NCBP3: variants seen among roughly 807,000 people sequenced by gnomAD.
NCBP3 encodes the protein nuclear cap-binding protein subunit 3.
A neutral mutation model predicts 75.7 loss-of-function variants in NCBP3; 20 were observed. The observed-to-expected ratio is 0.26, with a 90% CI of 0.19 to 0.38. NCBP3 has a LOEUF of 0.38. NCBP3 is among the 10% of genes least tolerant of loss of function. NCBP3 has a pLI of 1.00. For synonymous variants in NCBP3, 293 were observed against 290.5 expected, an observed-to-expected ratio of 1.01 and a Z score of -0.09; for missense variants, 678 against 796.9, an observed-to-expected ratio of 0.85 and a Z score of 1.80.
chr17:3,828,772 C>CTGTCTATTCAGAATGACACTCTGTCCAG (rs1567589884), intron 4 of NCBP3, among the ~76,000 whole-genome samples: 6 of 152,122 alleles, frequency 3.9e-5, no homozygotes, highest in Admixed American at 3.3e-4. Context: ...CTAGGTCATT[C>CTGTCTATTCAGAATGACACTCTGTCCAG]TGTCTATTCA....
chr17:3,827,982 T>C (rs773446954), intron 4 of NCBP3, among the ~76,000 whole-genome samples: 11 of 152,204 alleles, frequency 7.2e-5, no homozygotes, highest in Non-Finnish European at 1.3e-4. Context: ...GTAGTGGCAC[T>C]ATCTTGGCTC....
rs536780528 is a variant in NCBP3, at chr17:3,837,147, CA to C, written c.355+2952del. ...TGGGTGACAGAGCAAGACTCCTTCT[CA>C]AAAAAAAAATAAAAAATAAAAATAA... is the stretch of plus-strand genomic sequence containing the variant. On this transcript the variant is annotated intron_variant, in intron 3 of 12. Transcript: ENST00000389005. Among the ~76,000 whole-genome samples the C allele has an allele frequency of 2.7e-3, 361 of 134,114 alleles. 3 individuals carry two copies. Among genetic ancestry groups the C allele is most frequent in the African/African-American group, 9.6e-3 (341 of 35,598 alleles). The allele number at this position is 134,114 out of a possible 152,430, so 88.0% of individuals were successfully genotyped here.
chr17:3,842,549 T>A (rs906944045), intron 2 of NCBP3, among the ~76,000 whole-genome samples: 1 of 152,228 alleles, frequency 6.6e-6, no homozygotes, highest in Admixed American at 6.5e-5. Flanking sequence ...TTGGACATTT[T>A]CTTGGAAACG....
At chr17:3,832,442 A>AT (rs2053897165) in intron 3 of NCBP3, among the ~76,000 whole-genome samples, 1 of 118,046 alleles carries the variant, frequency 8.5e-6, no homozygotes, top group Non-Finnish European at 2.0e-5. Context: ...CATCCTGGCC[A>AT]ACACGGTGAA....
intron 3 of NCBP3, among the ~76,000 whole-genome samples, chr17:3,832,165 C>A (rs2053889211): frequency 2.3e-5 from 2 of 86,810 alleles, no homozygotes; most frequent in Admixed American, 1.5e-4. Flanking sequence ...GACTGGGCGA[C>A]AGGGCAAGAC....
rs1212729988 is a variant in NCBP3, at chr17:3,807,176, C to T, written c.*5868G>A. On this transcript the variant is annotated 3_prime_UTR_variant, in exon 13 of 13. Transcript: ENST00000389005. ...CTCTGGACTGCTCTCACTTTCCTCA[C>T]CGACAGGACCACAGGCTTAAGAACT... The T allele has an allele frequency of 6.6e-6, 1 of 152,270 alleles. No individual in the cohort carries two copies. The highest frequency in any genetic ancestry group is 1.5e-5 in the Non-Finnish European group (1 of 68,054). The allele number at this position is 152,270 out of a possible 1,614,324, so 9.4% of individuals were successfully genotyped here. A position where few individuals can be genotyped will look rare whatever the true frequency, so the allele number is the denominator to read the frequency against.
At chr17:3,837,917 C>T (rs193178795) in intron 3 of NCBP3, among the ~76,000 whole-genome samples, 23 of 152,090 alleles carry the variant, frequency 1.5e-4, no homozygotes, top group African/African-American at 4.8e-4. Flanking sequence ...AGCTGACATC[C>T]CACGGCCGAC....
chr17:3,828,645 T>A (rs1257793936), intron 4 of NCBP3, among the ~76,000 whole-genome samples: 1 of 151,914 alleles, frequency 6.6e-6, no homozygotes, highest in Non-Finnish European at 1.5e-5. Flanking sequence ...GCAGGCAAGT[T>A]AAAAATTACA....
At position 3,809,309 on chromosome 17, in the gene NCBP3, T is replaced by C. The variant is rs2053371840; in HGVS notation, c.*3735A>G. ...TTCCTGAAAAGGTTAAAGATAATTATGACTCAGCAATTCCACTCCTAGGTA... is the reference window on the plus strand; with the variant it reads ...TTCCTGAAAAGGTTAAAGATAATTACGACTCAGCAATTCCACTCCTAGGTA... On this transcript the variant is annotated 3_prime_UTR_variant, in exon 13 of 13. Transcript: ENST00000389005. 6.6e-6 allele frequency: 1 copy of C among 152,138 alleles called. No homozygotes were observed. The allele number at this position is 152,138 out of a possible 1,614,324, so 9.4% of individuals were successfully genotyped here.
chr17:3,816,190 G>A lies in NCBP3; in HGVS notation c.1391C>T (p.Ala464Val). Residue 464 changes from alanine to valine, a missense_variant, in exon 11 of 13, where the codon GCA (alanine) becomes GTA (valine). Ala to Val is a moderately conservative substitution (Grantham distance 64). Coordinates refer to ENST00000389005, the MANE Select transcript of NCBP3 (RefSeq NM_001114118.3). ...CTCATCTAATAGATGTCGGACATCT[G>A]CAAATTTCTCAGGTGGTAATTTGTT... ...IGNKLPPEKF[A>V]DVRHLLDEKR... 3 of 1,614,002 alleles carry A rather than the reference G, an allele frequency of 1.9e-6. No homozygotes were observed. The highest frequency in any genetic ancestry group is 2.5e-6 in the Non-Finnish European group (3 of 1,179,896).
rs2053927461 is a variant in NCBP3 at position 3,833,743 on chromosome 17, ATGT to A, written c.356-4378_356-4376del. Among the ~76,000 whole-genome samples the A allele has an allele frequency of 2.6e-5, 4 of 152,052 alleles. No individual in the cohort carries two copies. In the South Asian group the frequency reaches 8.3e-4, roughly 32 times the overall value. On this transcript the variant is annotated intron_variant, in intron 3 of 12. Transcript: ENST00000389005. ...CTTCACCTGTATGTAGGTTTTTTTA[ATGT>A]TGTAATGTTAGAACAATGTTATGAT... is the stretch of plus-strand genomic sequence containing the variant.
intron 7 of NCBP3, chr17:3,822,966 A>T (rs917084545): frequency 6.6e-6 from 1 of 152,236 alleles, no homozygotes; most frequent in Admixed American, 6.5e-5. Context: ...GGAGTATGTC[A>T]AAACAGCTTG....
chr17:3,846,215 G>C lies in NCBP3; in HGVS notation c.9C>G (p.Ala3=), dbSNP rs752261611. The change falls in exon 1 of 13, where the codon GCC becomes GCG. Residue 3 remains alanine, a synonymous_variant. Transcript: ENST00000389005. This position sits in a 1 kb window ranked among gnomAD's most constrained non-coding sequence, Gnocchi z 4.6. ...TCACCGACACCCGCAGGCCCCGTAC[G>C]GCCGCCATCGCTGCCTGCCGGCCGC... MA[A]VRGLRVSVKA... 4.2e-6 allele frequency: 6 copies of C among 1,440,034 alleles called. No homozygotes were observed. Among genetic ancestry groups the C allele is most frequent in the Non-Finnish European group, 5.4e-6 (6 of 1,102,468 alleles). The allele number at this position is 1,440,034 out of a possible 1,614,324, so 89.2% of individuals were successfully genotyped here.
intron 5 of NCBP3, 97 bp from the exon 6 acceptor site, chr17:3,825,940 A>G (rs2053775685): frequency 7.2e-7 from 1 of 1,395,864 alleles, no homozygotes; most frequent in South Asian, 1.3e-5. Flanking sequence ...AAAGTCCAGT[A>G]TTTTCTCCTA....
At chr17:3,817,853 G>C (rs1422135184) in intron 10 of NCBP3, among the ~76,000 whole-genome samples, 4 of 151,762 alleles carry the variant, frequency 2.6e-5, no homozygotes, top group Non-Finnish European at 2.9e-5. Context: ...AAAAAATAAT[G>C]TCTACAATAT....
In NCBP3 at chr17:3,806,613, T is replaced by C. The variant is rs925243870; in HGVS notation, c.*6431A>G. ...AAGTTTTATGGATAGTGCAGCCAAA[T>C]TCCACTCGGATGCCTCACAACTACT... On this transcript the variant is annotated 3_prime_UTR_variant, in exon 13 of 13. Coordinates refer to ENST00000389005, the MANE Select transcript of NCBP3 (RefSeq NM_001114118.3). The C allele has an allele frequency of 7.2e-5, 11 of 151,808 alleles. No individual in the cohort carries two copies. Among genetic ancestry groups the C allele is most frequent in the African/African-American group, 2.7e-4 (11 of 41,268 alleles). 9.4% of individuals were successfully genotyped at this position (151,808 alleles called of 1,614,324 possible).
At chr17:3,825,620 T>C (rs1383592489) in intron 6 of NCBP3, 147 bp downstream of exon 6, 2 of 607,776 alleles carry the variant, frequency 3.3e-6, no homozygotes, top group African/African-American at 3.7e-5. Flanking sequence ...CCACACTAAC[T>C]TAAAGGACAA....
intron 7 of NCBP3, chr17:3,823,651 G>A (rs993424567): frequency 6.6e-6 from 1 of 152,056 alleles, no homozygotes; most frequent in African/African-American, 2.4e-5. Flanking sequence ...TCGAACTCCT[G>A]GGCTCAAGTG....
In NCBP3 at chr17:3,808,417, T is replaced by TG; in HGVS notation, c.*4626dup. 6.6e-6 allele frequency: 1 copy of TG among 152,344 alleles called. No homozygotes were observed. Among genetic ancestry groups the TG allele is most frequent in the East Asian group, 1.9e-4 (1 of 5,190 alleles). The allele number at this position is 152,344 out of a possible 1,614,324, so 9.4% of individuals were successfully genotyped here. ...CCTGGAGAGAGCTGAGACTCTTCTGTGGCAGTACCATGGGACACATAGAAG... is the reference window on the plus strand; with the variant it reads ...CCTGGAGAGAGCTGAGACTCTTCTGTGGGCAGTACCATGGGACACATAGAAG... On this transcript the variant is annotated 3_prime_UTR_variant, in exon 13 of 13. Transcript: ENST00000389005.
Sources: gnomAD v4.1 joint callset for allele counts (sites outside exome capture counted in the v4.1 genomes callset) on GRCh38, gnomAD v4.1.1 for gene constraint, Gnocchi (gnomAD v3.1) non-coding constraint, MANE v1.5 for transcripts, NCBI Gene and HGNC (gene_info 2026-07-23, HGNC 2026-07-21) for gene names.